TMEM273: variants seen among roughly 807,000 people sequenced by gnomAD.
TMEM273 encodes chromosome 10 open reading frame 128.
In TMEM273, 19 loss-of-function variants were observed where a neutral mutation model predicts 17.9. The observed-to-expected ratio is 1.06, with a 90% confidence interval of 0.74 to 1.55. TMEM273 has a LOEUF of 1.55. Ranked by LOEUF, TMEM273 falls within the 40% of genes most tolerant of loss-of-function variation. The probability of loss-of-function intolerance (pLI) is 0.00; values close to 1 mark genes in which losing one functional copy is unlikely to be tolerated. For missense variants in TMEM273, 194 were observed against 155.6 expected (o/e 1.25, Z -1.31); for synonymous variants, 66 against 62.0 (o/e 1.07, Z -0.31).
chr10:49,161,676 A>G lies in TMEM273; in HGVS notation c.349-54T>C, dbSNP rs1845851337. 19 of 1,610,296 alleles carry G rather than the reference A, an allele frequency of 1.2e-5. No individual in the cohort carries two copies. In the South Asian group the frequency reaches 2.0e-4, roughly 17 times the overall value. On this transcript the variant is annotated intron_variant, in intron 5 of 6. Transcript: ENST00000374153. ...TGCCTAAGCCTTAGAAGCCAGAAAG[A>G]CAATGCAAAACTTGCTGCAAGAGAG... is the stretch of plus-strand genomic sequence containing the variant.
intron 6 of TMEM273, among the ~76,000 whole-genome samples, chr10:49,158,956 G>T (rs1158384976): frequency 6.6e-6 from 1 of 152,090 alleles, no homozygotes; most frequent in Non-Finnish European, 1.5e-5. Context: ...TTTAAAAAGT[G>T]TGTCTATATA....
intron 5 of TMEM273, among the ~76,000 whole-genome samples, chr10:49,162,178 C>T (rs982000596): frequency 2.6e-5 from 4 of 152,086 alleles, no homozygotes; most frequent in African/African-American, 9.7e-5. Context: ...ACATAAAAAG[C>T]ACAGTGACTG....
chr10:49,187,504 C>A (rs11101008), intron 1 of TMEM273, among the ~76,000 whole-genome samples: 1 of 152,152 alleles, frequency 6.6e-6, no homozygotes. Flanking sequence ...ATATGAGGGA[C>A]GTATGCTGCC....
At chr10:49,168,071 C>G (rs185040857) in intron 1 of TMEM273, 109 bp from the exon 2 acceptor site, 171 of 1,317,930 alleles carry the variant, frequency 1.3e-4, no homozygotes, top group Middle Eastern at 9.2e-4. Flanking sequence ...ACCAGGAGCA[C>G]AGAGGTGGGC....
chr10:49,166,651 C>G, intron 3 of TMEM273: 1 of 613,478 alleles, frequency 1.6e-6, no homozygotes, highest in Non-Finnish European at 2.8e-6. Context: ...GAAAAAGGAA[C>G]ACAAATAGAG....
chr10:49,178,989 C>T (rs949210983), intron 1 of TMEM273, among the ~76,000 whole-genome samples: 3 of 152,216 alleles, frequency 2.0e-5, no homozygotes, highest in African/African-American at 7.2e-5. Flanking sequence ...TTCTCGATAA[C>T]ATGGCCAAAG....
At chr10:49,174,127 C>T (rs1465571143) in intron 1 of TMEM273, among the ~76,000 whole-genome samples, 1 of 152,218 alleles carries the variant, frequency 6.6e-6, no homozygotes, top group East Asian at 1.9e-4. Flanking sequence ...GACAACCCTG[C>T]CTTTCTGCCC....
At chr10:49,180,548 G>A (rs1847281645) in intron 1 of TMEM273, among the ~76,000 whole-genome samples, 1 of 152,072 alleles carries the variant, frequency 6.6e-6, no homozygotes, top group Non-Finnish European at 1.5e-5. Flanking sequence ...TGTTAAAATT[G>A]AAGACGTCAA....
intron 1 of TMEM273, among the ~76,000 whole-genome samples, chr10:49,186,110 G>GAAGAAGAAGAAGAAGAA (rs59346438): frequency 0.015 from 1,275 of 82,648 alleles, 58 homozygotes; most frequent in South Asian, 0.017. Flanking sequence ...AAGAAGAAGA[G>GAAGAAGAAGAAGAAGAA]GAAGAAGAAG....
At chr10:49,174,772 C>T (rs1846839638) in intron 1 of TMEM273, among the ~76,000 whole-genome samples, 1 of 152,136 alleles carries the variant, frequency 6.6e-6, no homozygotes, top group Non-Finnish European at 1.5e-5. Flanking sequence ...ATGGACCGCC[C>T]CCCATCCACG....
At position 49,165,815 on chromosome 10, in the gene TMEM273, G is replaced by T; in HGVS notation, c.239-19C>A. On this transcript the variant is annotated intron_variant, in intron 3 of 6. Transcript: ENST00000374153. ...ATGGTGTCTAAACAGAGAAAGCCGGGCATTAGGAAGGGGGTCGTGTGACAA... is the reference window on the plus strand; with the variant it reads ...ATGGTGTCTAAACAGAGAAAGCCGGTCATTAGGAAGGGGGTCGTGTGACAA... The T allele has an allele frequency of 6.2e-7, 1 of 1,614,162 alleles. No homozygotes were observed. Among genetic ancestry groups the T allele is most frequent in the Non-Finnish European group, 8.5e-7 (1 of 1,180,000 alleles).
chr10:49,161,438 T>G (rs1689519933), intron 6 of TMEM273, 161 bp downstream of exon 6: 1 of 791,142 alleles, frequency 1.3e-6, no homozygotes, highest in Non-Finnish European at 2.1e-6. Flanking sequence ...TGCTGATTCC[T>G]GGTCTCACAG....
intron 6 of TMEM273, among the ~76,000 whole-genome samples, chr10:49,159,692 A>AAAAT (rs1184562440): frequency 2.0e-5 from 3 of 151,728 alleles, no homozygotes; most frequent in African/African-American, 7.3e-5. Context: ...AGTAAAAATT[A>AAAAT]AAATAAAAGA....
At chr10:49,182,942 G>A (rs767661820) in intron 1 of TMEM273, among the ~76,000 whole-genome samples, 21 of 152,022 alleles carry the variant, frequency 1.4e-4, no homozygotes, top group Non-Finnish European at 2.6e-4. Flanking sequence ...AATCACCAGG[G>A]GCTATCAGGC....
intron 1 of TMEM273, among the ~76,000 whole-genome samples, chr10:49,180,940 A>G (rs1847304617): frequency 6.6e-6 from 1 of 152,248 alleles, no homozygotes; most frequent in African/African-American, 2.4e-5. Context: ...AGAGGAAATA[A>G]AGGCATACTA....
chr10:49,155,813 C>T lies in TMEM273; in HGVS notation c.*79G>A. ...ATTACCAGCCTTGGGTGTTTGAATGCAGAACATCCTGAGATGTTAACCATG... is the reference window on the plus strand; with the variant it reads ...ATTACCAGCCTTGGGTGTTTGAATGTAGAACATCCTGAGATGTTAACCATG... On this transcript the variant is annotated 3_prime_UTR_variant, in exon 7 of 7. Transcript: ENST00000374153. 3.1e-6 allele frequency: 5 copies of T among 1,606,250 alleles called. No individual in the cohort carries two copies. Among genetic ancestry groups the T allele is most frequent in the Non-Finnish European group, 3.4e-6 (4 of 1,173,824 alleles).
At chr10:49,170,160 T>C (rs1010057389) in intron 1 of TMEM273, among the ~76,000 whole-genome samples, 2 of 152,128 alleles carry the variant, frequency 1.3e-5, no homozygotes, top group Non-Finnish European at 2.9e-5. Flanking sequence ...GAGAAAGACA[T>C]AGGTACACAC....
Position 49,165,752 on chromosome 10 carries a change from G to A in TMEM273, c.269+14C>T, listed in dbSNP as rs1846136273. The A allele has an allele frequency of 6.2e-7, 1 of 1,614,150 alleles. No individual in the cohort carries two copies. The highest frequency in any genetic ancestry group is 8.5e-7 in the Non-Finnish European group (1 of 1,180,002). On this transcript the variant is annotated intron_variant, in intron 4 of 6. Transcript: ENST00000374153. ...CACGATACCTCTCCCTGACTGTGTG[G>A]GCAGTGACCTTACCTTGGGGCTCTC...
chr10:49,160,783 G>A (rs1845794484), intron 6 of TMEM273: 1 of 152,202 alleles, frequency 6.6e-6, no homozygotes, highest in Admixed American at 6.5e-5. Context: ...TATGTACACA[G>A]AGATAAAGCA....
Sources: gnomAD v4.1 joint callset for allele counts (sites outside exome capture counted in the v4.1 genomes callset) on GRCh38, gnomAD v4.1.1 for gene constraint, MANE v1.5 for transcripts, NCBI Gene and HGNC (gene_info 2026-07-23, HGNC 2026-07-21) for gene names.